Variants in C19orf44 observed in about 807,000 individuals in gnomAD.
The protein encoded by C19orf44 is uncharacterized protein C19orf44.
C19orf44 carries 43 observed loss-of-function variants against 50.7 expected under a neutral mutation model. That is an observed-to-expected ratio of 0.85 (90% CI 0.66 to 1.09). C19orf44 has a LOEUF of 1.09. Ranked by LOEUF, C19orf44 falls within the 50% of genes least tolerant of loss-of-function variation. The pLI is 0.00. For missense variants in C19orf44, 722 were observed against 836.2 expected (o/e 0.86, Z 1.68); for synonymous variants, 298 against 334.7 (o/e 0.89, Z 1.20).
intron 3 of C19orf44, among the ~76,000 whole-genome samples, chr19:16,503,866 A>C (rs1050118292): frequency 6.6e-6 from 1 of 152,148 alleles, no homozygotes. Flanking sequence ...CACCTGGCTT[A>C]CCAACTCATC....
chr19:16,519,171 G>A lies in C19orf44; in HGVS notation c.*41-923G>A, dbSNP rs528371549. The A allele has an allele frequency of 1.8e-5, 29 of 1,613,406 alleles. No individual in the cohort carries two copies. The highest frequency in any genetic ancestry group is 6.7e-5 in the East Asian group (3 of 44,872). On this transcript the variant is annotated intron_variant, in intron 8 of 8. Transcript: ENST00000221671. This position sits in a 1 kb window ranked among gnomAD's most constrained non-coding sequence, Gnocchi z 6.0. ...CCGGCATGGGCGCCTACTTACACTC[G>A]TCCCTGGCCTTCATGCGGGCGATGA... is the stretch of plus-strand genomic sequence containing the variant.
chr19:16,503,147 C>T lies in C19orf44; in HGVS notation c.842C>T (p.Thr281Ile). Residue 281 changes from threonine to isoleucine, a missense_variant, in exon 3 of 9, where the codon ACC (threonine) becomes ATC (isoleucine). Coordinates refer to ENST00000221671, the MANE Select transcript of C19orf44 (RefSeq NM_032207.4). ...AKPSQTSHLP[T>I]SLAADRTLHS... ...CCTTCTCAGACATCACACCTGCCAA[C>T]CTCCCTGGCAGCAGACAGAACCCTT... 1 of 1,614,152 alleles carries T rather than the reference C, an allele frequency of 6.2e-7. No individual in the cohort carries two copies. Among genetic ancestry groups the T allele is most frequent in the Non-Finnish European group, 8.5e-7 (1 of 1,180,012 alleles).
intron 4 of C19orf44, among the ~76,000 whole-genome samples, chr19:16,507,741 C>G (rs2093444515): frequency 6.6e-6 from 1 of 151,854 alleles, no homozygotes; most frequent in African/African-American, 2.4e-5. Context: ...ATCCACCTGC[C>G]TTGGCCCCCC....
intron 1 of C19orf44, among the ~76,000 whole-genome samples, chr19:16,497,408 T>C (rs1568489943): frequency 7.0e-6 from 1 of 143,530 alleles, no homozygotes; most frequent in Admixed American, 7.6e-5. Flanking sequence ...TGAAGTGCAA[T>C]GGTGCGATCT....
In C19orf44 at chr19:16,519,744, A is replaced by G. The variant is rs183145767; in HGVS notation, c.*41-350A>G. 42 of 1,561,348 alleles carry G rather than the reference A, an allele frequency of 2.7e-5. No homozygotes were observed. The East Asian group carries it at 7.4e-4, about 27-fold the overall frequency. On this transcript the variant is annotated intron_variant, in intron 8 of 8. Transcript: ENST00000221671. This position sits in a 1 kb window ranked among gnomAD's most constrained non-coding sequence, Gnocchi z 6.0. Reference sequence around the variant, plus strand: ...AAATCGAGACAGGTTATTCTTTTTAAGAAGTAACTGAGACATTTATTGGAA... The same window carrying G: ...AAATCGAGACAGGTTATTCTTTTTAGGAAGTAACTGAGACATTTATTGGAA...
At chr19:16,508,581 C>T (rs1443032230) in intron 4 of C19orf44, among the ~76,000 whole-genome samples, 6 of 152,018 alleles carry the variant, frequency 3.9e-5, no homozygotes, top group Admixed American at 6.6e-5. Context: ...AGATATGGAC[C>T]GGCTGGGTTG....
rs190163256 is a variant in C19orf44 at position 16,514,434 on chromosome 19, G to T, written c.1736-63G>T. ...GAGCAGCCTGGCACCTGAGCGGTGG[G>T]GGGGGGGCTGCAGAATTTGTGGGGC... On this transcript the variant is annotated intron_variant, in intron 6 of 8. Transcript: ENST00000221671. The T allele has an allele frequency of 7.7e-4, 1,129 of 1,469,008 alleles. 13 individuals are homozygous for T. The African/African-American group carries it at 8.6e-3, about 11-fold the overall frequency. The allele number at this position is 1,469,008 out of a possible 1,614,324, so 91.0% of individuals were successfully genotyped here.
intron 6 of C19orf44, among the ~76,000 whole-genome samples, chr19:16,513,993 A>G (rs1176541397): frequency 6.8e-6 from 1 of 146,566 alleles, no homozygotes; most frequent in Non-Finnish European, 1.5e-5. Flanking sequence ...CAATTTTTTA[A>G]TTTTTTTTTT....
chr19:16,506,679 T>C (rs779746636), intron 3 of C19orf44, 22 bp from the exon 4 acceptor site: 10 of 1,516,710 alleles, frequency 6.6e-6, no homozygotes, highest in African/African-American at 2.8e-5. Flanking sequence ...TGTAAACGCT[T>C]ATACTCATTT....
rs369614715 is a variant in C19orf44 at position 16,509,981 on chromosome 19, G to A, written c.1632G>A (p.Trp544Ter). 7.1e-5 allele frequency: 114 copies of A among 1,614,054 alleles called. No individual in the cohort carries two copies. Among genetic ancestry groups the A allele is most frequent in the Non-Finnish European group, 9.1e-5 (107 of 1,180,036 alleles). ...CAGATCCTGCCTTCACCTACGAGTGGACCAAGGGTAAGCCTTGGGGCCCGT... is the reference window on the plus strand; with the variant it reads ...CAGATCCTGCCTTCACCTACGAGTGAACCAAGGGTAAGCCTTGGGGCCCGT... ...QTPDPAFTYEWTKVASMAAMG... is the reference protein window; with the variant it reads ...QTPDPAFTYE Residue 544 changes from tryptophan to a stop codon, truncating the protein, a stop_gained, in exon 5 of 9, where the codon TGG becomes TGA. Transcript: ENST00000221671. LOFTEE classifies it high-confidence loss of function.
Position 16,509,568 on chromosome 19 carries a change from GC to G in C19orf44, c.1223del (p.Pro408ArgfsTer54). On this transcript the variant is annotated frameshift_variant, in exon 5 of 9. Transcript: ENST00000221671. LOFTEE classifies it high-confidence loss of function. The stretch of plus-strand genomic sequence containing the variant: ...AGCCGAGGCGTCCACTGGGCAGGAT[GC>G]CCCGAGGCAGGCCCAGGCGAGGAGC... ...FRAEASTGQDAPRQAQARSWA... is the reference protein window; with the variant it reads ...FRAEASTGQDXPRQAQARSWA... The G allele has an allele frequency of 6.2e-7, 1 of 1,611,300 alleles. No individual in the cohort carries two copies. Among genetic ancestry groups the G allele is most frequent in the East Asian group, 2.2e-5 (1 of 44,824 alleles).
intron 8 of C19orf44, chr19:16,518,258 G>A (rs1314045849): frequency 6.6e-6 from 1 of 152,004 alleles, no homozygotes; most frequent in Admixed American, 6.6e-5. Flanking sequence ...GCGCTGGCTG[G>A]GGTCGGGCTC....
chr19:16,506,226 C>T (rs959398670), intron 3 of C19orf44, among the ~76,000 whole-genome samples: 2 of 151,816 alleles, frequency 1.3e-5, no homozygotes, highest in Non-Finnish European at 2.9e-5. Flanking sequence ...CTGCCCGCCT[C>T]GGCCTCCCAA....
At chr19:16,517,109 TTC>T (rs1473145082) in intron 7 of C19orf44, 119 bp from the exon 8 acceptor site, 5 of 884,678 alleles carry the variant, frequency 5.7e-6, no homozygotes, top group South Asian at 4.8e-5. Flanking sequence ...GGTTTTACAC[TTC>T]TGTCACTGAC....
chr19:16,518,731 AG>A (rs1214267664), intron 8 of C19orf44: 1 of 208,044 alleles, frequency 4.8e-6, no homozygotes, highest in Admixed American at 5.8e-5. Context: ...GGGTGCGGGG[AG>A]CTGGAGGAAG....
intron 1 of C19orf44, among the ~76,000 whole-genome samples, chr19:16,498,770 A>G (rs778872548): frequency 1.3e-5 from 2 of 151,322 alleles, no homozygotes; most frequent in Non-Finnish European, 2.9e-5. Context: ...TCCTGGGTTC[A>G]TGCCATTCTC....
chr19:16,520,691 G>C lies in C19orf44; in HGVS notation c.*638G>C. On this transcript the variant is annotated 3_prime_UTR_variant, in exon 9 of 9. Transcript: ENST00000221671. The surrounding 1 kb of genome is among the most constrained non-coding windows in gnomAD (Gnocchi z 4.0). ...CGAGCCTGCTGCTGTGTGAATTCAGGCCTTGTGGAAAACACCGCCCCATAG... is the reference window on the plus strand; with the variant it reads ...CGAGCCTGCTGCTGTGTGAATTCAGCCCTTGTGGAAAACACCGCCCCATAG... The C allele has an allele frequency of 8.7e-7, 1 of 1,152,800 alleles. No individual in the cohort carries two copies. The highest frequency in any genetic ancestry group is 1.3e-5 in the South Asian group (1 of 77,506). 71.4% of individuals were successfully genotyped at this position (1,152,800 alleles called of 1,614,324 possible).
chr19:16,514,635 A>G lies in C19orf44; in HGVS notation c.1874A>G (p.His625Arg). 6.3e-7 allele frequency: 1 copy of G among 1,585,326 alleles called. No homozygotes were observed. The highest frequency in any genetic ancestry group is 8.6e-7 in the Non-Finnish European group (1 of 1,166,778). The part of the protein sequence containing the change: ...LLRSLDADSF[H>R]YHTLEEAKEY... ...CGCTCCCTGGACGCGGACTCCTTCC[A>G]CTACCACACCCTGGAGGAAGCCAAA... is the stretch of plus-strand genomic sequence containing the variant. The change falls in exon 7 of 9, where the codon CAC (histidine) becomes CGC (arginine). Residue 625 changes from histidine (H) to arginine (R), a missense_variant. His to Arg is a conservative substitution (Grantham distance 29). Coordinates refer to ENST00000221671, the MANE Select transcript of C19orf44 (RefSeq NM_032207.4).
At chr19:16,511,909 G>A (rs538982366) in intron 5 of C19orf44, among the ~76,000 whole-genome samples, 1 of 151,734 alleles carries the variant, frequency 6.6e-6, no homozygotes, top group East Asian at 2.0e-4. Context: ...TAGCTACTCG[G>A]GAGGCCGAGG....
Sources: allele counts gnomAD v4.1 joint callset (sites outside exome capture counted in the v4.1 genomes callset), GRCh38; gene constraint gnomAD v4.1.1; non-coding constraint Gnocchi (gnomAD v3.1); transcripts MANE v1.5; gene names NCBI Gene and HGNC (gene_info 2026-07-23, HGNC 2026-07-21).